The following DCLK1 variants were observed in gnomAD, a reference collection of about 807,000 sequenced individuals.
The protein encoded by DCLK1 is doublecortin like kinase 1, also known as serine/threonine-protein kinase DCLK1.
Under a neutral mutation model 86.2 loss-of-function variants are expected in DCLK1, and 16 were observed. That is an observed-to-expected ratio of 0.19 (90% confidence interval 0.13 to 0.28). The LOEUF is 0.28. Ranked by LOEUF, DCLK1 falls within the 10% of genes least tolerant of loss-of-function variation. The probability of loss-of-function intolerance (pLI) is 1.00; values close to 1 mark genes in which losing one functional copy is unlikely to be tolerated. For synonymous variants in DCLK1, 369 were observed against 370.5 expected (o/e 1.00, Z 0.05); for missense variants, 590 against 940.2 (o/e 0.63, Z 4.87).
intron 4 of DCLK1, among the ~76,000 whole-genome samples, chr13:35,883,038 C>A (rs1873011750): frequency 6.6e-6 from 1 of 152,056 alleles, no homozygotes; most frequent in Non-Finnish European, 1.5e-5. Flanking sequence ...GCTCTGAACA[C>A]AGGAAGAAGT....
At chr13:35,824,377 G>A (rs527993181) in intron 10 of DCLK1, among the ~76,000 whole-genome samples, 2 of 152,102 alleles carry the variant, frequency 1.3e-5, no homozygotes, top group South Asian at 2.1e-4. Flanking sequence ...ATGAGGCTTC[G>A]CTTTGTTGCC....
At chr13:35,816,372 T>C (rs751081692) in intron 11 of DCLK1, among the ~76,000 whole-genome samples, 8 of 152,166 alleles carry the variant, frequency 5.3e-5, no homozygotes, top group Non-Finnish European at 1.2e-4. Context: ...TTGAACAACA[T>C]ATCCTGAATG....
In DCLK1 at chr13:35,944,682, G is replaced by A. The variant is rs563328966; in HGVS notation, c.823+2676C>T. Among the ~76,000 whole-genome samples the A allele has an allele frequency of 5.9e-5, 9 of 152,060 alleles. No homozygotes were observed. In the East Asian group the frequency reaches 7.8e-4, roughly 13 times the overall value. On this transcript the variant is annotated intron_variant, in intron 4 of 16. Transcript: ENST00000360631. Reference sequence around the variant, plus strand: ...TTCTTTTGGAATGGGGGAGGACATCGTTACTCAGCAAATGTATTTCACACC... The same window carrying A: ...TTCTTTTGGAATGGGGGAGGACATCATTACTCAGCAAATGTATTTCACACC...
At chr13:36,070,062 T>C (rs1883911349) in intron 3 of DCLK1, among the ~76,000 whole-genome samples, 1 of 151,974 alleles carries the variant, frequency 6.6e-6, no homozygotes, top group Admixed American at 6.6e-5. Context: ...TTATGAAAAA[T>C]AAAATAAAAT....
chr13:35,828,971 G>GATATGA (rs1297237011), intron 8 of DCLK1, among the ~76,000 whole-genome samples: 1 of 152,126 alleles, frequency 6.6e-6, no homozygotes, highest in African/African-American at 2.4e-5. Context: ...TAGATGATAT[G>GATATGA]GTCAAGGTGT....
chr13:36,116,104 C>T (rs1885776834), intron 2 of DCLK1, among the ~76,000 whole-genome samples: 1 of 151,650 alleles, frequency 6.6e-6, no homozygotes, highest in South Asian at 2.1e-4. Flanking sequence ...CATGCACCAC[C>T]ACACCCAGTG....
chr13:35,957,949 CACT>C (rs1878101508), intron 3 of DCLK1, among the ~76,000 whole-genome samples: 1 of 151,836 alleles, frequency 6.6e-6, no homozygotes, highest in African/African-American at 2.4e-5. Flanking sequence ...CCACTACTAC[CACT>C]ACTACAACCA....
At chr13:36,121,759 G>T (rs1486130486) in intron 2 of DCLK1, among the ~76,000 whole-genome samples, 2 of 152,120 alleles carry the variant, frequency 1.3e-5, no homozygotes, top group African/African-American at 4.8e-5. Context: ...GGATAAGGGG[G>T]CATTGCTGTA....
At chr13:35,917,887 A>G (rs1875528422) in intron 4 of DCLK1, among the ~76,000 whole-genome samples, 1 of 152,176 alleles carries the variant, frequency 6.6e-6, no homozygotes, top group Non-Finnish European at 1.5e-5. Context: ...GGCCTGACAC[A>G]CATTTCAGAA....
intron 6 of DCLK1, among the ~76,000 whole-genome samples, chr13:35,854,048 G>A (rs1314960552): frequency 5.3e-5 from 8 of 152,280 alleles, no homozygotes; most frequent in South Asian, 2.1e-4. Flanking sequence ...ACAAAAGCAC[G>A]TGTCATAGGT....
chr13:35,958,219 C>CCAT (rs1462245215), intron 3 of DCLK1, among the ~76,000 whole-genome samples: 226 of 80,558 alleles, frequency 2.8e-3, no homozygotes, highest in African/African-American at 5.9e-3. Context: ...ACCATCACCA[C>CCAT]CACCACTATA....
At chr13:35,984,247 A>G (rs1474072676) in intron 3 of DCLK1, among the ~76,000 whole-genome samples, 1 of 152,218 alleles carries the variant, frequency 6.6e-6, no homozygotes, top group Non-Finnish European at 1.5e-5. Flanking sequence ...TCACCAAGTC[A>G]TCATTAATAA....
At chr13:36,014,687 G>A (rs1388755035) in intron 3 of DCLK1, among the ~76,000 whole-genome samples, 1 of 152,114 alleles carries the variant, frequency 6.6e-6, no homozygotes, top group Non-Finnish European at 1.5e-5. Flanking sequence ...TCTTTTTCTA[G>A]TCTGTAAAAA....
intron 4 of DCLK1, among the ~76,000 whole-genome samples, chr13:35,928,158 T>C (rs1388471853): frequency 6.6e-6 from 1 of 152,194 alleles, no homozygotes; most frequent in Non-Finnish European, 1.5e-5. Context: ...TTGTAGCCAG[T>C]TGGTCAGAAG....
At chr13:35,927,227 C>G (rs185738928) in intron 4 of DCLK1, among the ~76,000 whole-genome samples, 2 of 152,208 alleles carry the variant, frequency 1.3e-5, no homozygotes, top group Non-Finnish European at 2.9e-5. Flanking sequence ...ATAAAGTCTA[C>G]TCTACAAGCA....
intron 4 of DCLK1, among the ~76,000 whole-genome samples, chr13:35,879,079 C>T (rs566514666): frequency 9.2e-5 from 14 of 152,076 alleles, no homozygotes; most frequent in African/African-American, 2.4e-4. Flanking sequence ...GCCACCACAC[C>T]GGGCCAAAAA....
chr13:36,110,106 G>C (rs146394166), intron 3 of DCLK1, among the ~76,000 whole-genome samples: 166 of 152,088 alleles, frequency 1.1e-3, no homozygotes, highest in African/African-American at 3.9e-3. Flanking sequence ...TATTTGAATA[G>C]GTAAATATTT....
At chr13:35,960,843 T>C (rs1878414495) in intron 3 of DCLK1, among the ~76,000 whole-genome samples, 1 of 152,212 alleles carries the variant, frequency 6.6e-6, no homozygotes, top group African/African-American at 2.4e-5. Flanking sequence ...TGAGTTGACA[T>C]GATTCTTTTT....
chr13:35,983,920 A>G (rs1443318386), intron 3 of DCLK1, among the ~76,000 whole-genome samples: 2 of 151,822 alleles, frequency 1.3e-5, no homozygotes, highest in Non-Finnish European at 2.9e-5. Context: ...CTTGAACAGG[A>G]GACTGCACTG....
Sources: allele counts gnomAD v4.1 joint callset (sites outside exome capture counted in the v4.1 genomes callset), GRCh38; gene constraint gnomAD v4.1.1; transcripts MANE v1.5; gene names NCBI Gene and HGNC (gene_info 2026-07-23, HGNC 2026-07-21).